Variants in SRPK2 observed in about 807,000 individuals in gnomAD.
The protein encoded by SRPK2 is SFRS protein kinase 2.
A neutral mutation model predicts 90.8 loss-of-function variants in SRPK2; 21 were observed. That is an observed-to-expected ratio of 0.23 (90% CI 0.16 to 0.33). The LOEUF (loss-of-function observed/expected upper bound fraction) is 0.33, where lower values mean the gene tolerates loss of function less well. Among genes scored for constraint, SRPK2 ranks in the 10% least tolerant of loss-of-function variants. The probability of loss-of-function intolerance (pLI) is 1.00; values close to 1 mark genes in which losing one functional copy is unlikely to be tolerated. For missense variants in SRPK2, 620 were observed against 869.0 expected, an observed-to-expected ratio of 0.71 and a Z score of 3.60; for synonymous variants, 288 against 311.1, an observed-to-expected ratio of 0.93 and a Z score of 0.78.
chr7:105,224,742 A>G (rs1798511238), intron 2 of SRPK2, among the ~76,000 whole-genome samples: 1 of 152,238 alleles, frequency 6.6e-6, no homozygotes, highest in Non-Finnish European at 1.5e-5. Flanking sequence ...AGAATTCTAA[A>G]TTAAACTCCA....
At chr7:105,264,767 GAACTTTATC>G (rs1804810021) in intron 2 of SRPK2, among the ~76,000 whole-genome samples, 2 of 152,116 alleles carry the variant, frequency 1.3e-5, no homozygotes, top group Admixed American at 6.5e-5. Flanking sequence ...AGTTCATTGT[GAACTTTATC>G]AATTAAAACA....
chr7:105,220,531 G>C (rs28485726), intron 2 of SRPK2, among the ~76,000 whole-genome samples: 35 of 151,004 alleles, frequency 2.3e-4, no homozygotes, highest in African/African-American at 8.2e-4. Context: ...TCTCAAAAAA[G>C]AAAAAAAGAG....
At position 105,180,156 on chromosome 7, in the gene SRPK2, C is replaced by T. The variant is rs1028067256; in HGVS notation, c.230-10891G>A. On this transcript the variant is annotated intron_variant, in intron 3 of 15. Transcript: ENST00000393651. ...AAAAAGAACAAAGCAGGAAGAATCACGTTACCTGATGTCAAAGTATACTAA... is the reference window on the plus strand; with the variant it reads ...AAAAAGAACAAAGCAGGAAGAATCATGTTACCTGATGTCAAAGTATACTAA... 3.9e-4 allele frequency among the ~76,000 whole-genome samples: 59 copies of T among 152,254 alleles called. 1 individual carries two copies. Among genetic ancestry groups the T allele is most frequent in the African/African-American group, 1.1e-3 (46 of 41,554 alleles).
At chr7:105,267,922 A>G (rs1185575506) in intron 2 of SRPK2, among the ~76,000 whole-genome samples, 1 of 152,194 alleles carries the variant, frequency 6.6e-6, no homozygotes, top group Admixed American at 6.5e-5. Context: ...ATCAATATTA[A>G]GTATAACCTA....
intron 2 of SRPK2, among the ~76,000 whole-genome samples, chr7:105,214,354 A>G (rs1797196816): frequency 6.6e-6 from 1 of 152,252 alleles, no homozygotes. Flanking sequence ...GTTTTAAAAT[A>G]AGCAGTAAAA....
At chr7:105,141,098 T>C (rs2129576442) in intron 11 of SRPK2, among the ~76,000 whole-genome samples, 1 of 152,242 alleles carries the variant, frequency 6.6e-6, no homozygotes, top group East Asian at 1.9e-4. Context: ...AAACACTCCC[T>C]GGAAAGGGGA....
At chr7:105,269,746 C>T (rs528379091) in intron 2 of SRPK2, among the ~76,000 whole-genome samples, 1 of 152,320 alleles carries the variant, frequency 6.6e-6, no homozygotes, top group Admixed American at 6.5e-5. Context: ...TCCTTTAAAA[C>T]ATCAACGACT....
chr7:105,319,537 G>C (rs746293519), intron 2 of SRPK2, among the ~76,000 whole-genome samples: 6 of 139,432 alleles, frequency 4.3e-5, no homozygotes, highest in Non-Finnish European at 9.3e-5. Context: ...GGCAGGGGGA[G>C]AATATAAGCC....
intron 2 of SRPK2, chr7:105,205,997 C>T (rs778833046): frequency 1.9e-6 from 1 of 518,970 alleles, no homozygotes; most frequent in Non-Finnish European, 3.8e-6. Context: ...AATGATGGCT[C>T]TTGTGCTGCC....
intron 15 of SRPK2, among the ~76,000 whole-genome samples, chr7:105,120,330 A>T (rs1396439006): frequency 6.6e-6 from 1 of 152,202 alleles, no homozygotes; most frequent in African/African-American, 2.4e-5. Flanking sequence ...TTAAACTAAG[A>T]TCCATCAACA....
At chr7:105,342,062 G>A (rs925353426) in intron 2 of SRPK2, among the ~76,000 whole-genome samples, 1 of 152,060 alleles carries the variant, frequency 6.6e-6, no homozygotes, top group Non-Finnish European at 1.5e-5. Context: ...TCGGGAGATC[G>A]AGACCATCCT....
chr7:105,233,851 C>CA (rs906608099), intron 2 of SRPK2, among the ~76,000 whole-genome samples: 7 of 150,342 alleles, frequency 4.7e-5, no homozygotes, highest in Admixed American at 4.0e-4. Context: ...GACTCCGTCT[C>CA]AAAAAAAATG....
At chr7:105,296,673 C>A (rs1488803578) in intron 2 of SRPK2, among the ~76,000 whole-genome samples, 1 of 152,170 alleles carries the variant, frequency 6.6e-6, no homozygotes, top group East Asian at 1.9e-4. Flanking sequence ...GCATCATAGG[C>A]ATTCATGTAT....
intron 2 of SRPK2, among the ~76,000 whole-genome samples, chr7:105,223,564 T>C (rs1798356632): frequency 6.6e-6 from 1 of 152,224 alleles, no homozygotes; most frequent in Admixed American, 6.5e-5. Flanking sequence ...TCCCTGTGAA[T>C]TGTCTATGTC....
At chr7:105,196,867 T>C (rs1453295441) in intron 3 of SRPK2, among the ~76,000 whole-genome samples, 4 of 152,016 alleles carry the variant, frequency 2.6e-5, no homozygotes, top group African/African-American at 4.8e-5. Context: ...ATGGCCAACA[T>C]GGTGAAACCT....
chr7:105,268,799 G>GCTGTAC, intron 2 of SRPK2: 9 of 1,597,280 alleles, frequency 5.6e-6, no homozygotes, highest in Non-Finnish European at 7.7e-6. Flanking sequence ...AAGAGATGTA[G>GCTGTAC]CTGTACCTTT....
chr7:105,388,114 A>G (rs1821843065), intron 2 of SRPK2, among the ~76,000 whole-genome samples: 1 of 152,110 alleles, frequency 6.6e-6, no homozygotes, highest in African/African-American at 2.4e-5. Flanking sequence ...CTTGACAACC[A>G]GCTTAGGTTC....
chr7:105,176,763 GTGTGTGTGTGTA>G (rs1305337470), intron 3 of SRPK2, among the ~76,000 whole-genome samples: 1 of 151,390 alleles, frequency 6.6e-6, no homozygotes, highest in East Asian at 1.9e-4. Flanking sequence ...GTGTGTGTGT[GTGTGTGTGTGTA>G]TATATATATA....
At chr7:105,251,931 T>C (rs1423245834) in intron 2 of SRPK2, among the ~76,000 whole-genome samples, 1 of 152,220 alleles carries the variant, frequency 6.6e-6, no homozygotes, top group African/African-American at 2.4e-5. Flanking sequence ...TAAACCATAA[T>C]TTCTCTACTG....
Sources: gnomAD v4.1 joint callset for allele counts (sites outside exome capture counted in the v4.1 genomes callset) on GRCh38, gnomAD v4.1.1 for gene constraint, MANE v1.5 for transcripts, NCBI Gene and HGNC (gene_info 2026-07-23, HGNC 2026-07-21) for gene names.